Variants in SBNO2 observed in about 807,000 individuals in gnomAD.
SBNO2 encodes the protein strawberry notch homolog 2.
SBNO2 carries 89 observed loss-of-function variants against 146.3 expected under a neutral mutation model. The observed-to-expected ratio is 0.61, with a 90% CI of 0.51 to 0.73. SBNO2 has a LOEUF of 0.73. Ranked by LOEUF, SBNO2 falls within the 30% of genes least tolerant of loss-of-function variation. The probability of loss-of-function intolerance (pLI) is 0.00; values close to 1 mark genes in which losing one functional copy is unlikely to be tolerated. For synonymous variants in SBNO2, 1,147 were observed against 892.6 expected (o/e 1.29, Z -5.08); for missense variants, 2,092 against 2,003.7 (o/e 1.04, Z -0.84).
chr19:1,131,841 G>C lies in SBNO2; in HGVS notation c.280-4076C>G, dbSNP rs1422085405. ...CCCCCCACTCCGCTCGGGTCCCCCA[G>C]CCTACGCACAGGGCGCCGCTCCCAG... On this transcript the variant is annotated intron_variant, in intron 4 of 31. Transcript: ENST00000361757. Among the ~76,000 whole-genome samples, 7 of 152,348 alleles carry C rather than the reference G, an allele frequency of 4.6e-5. No homozygotes were observed. The East Asian group carries it at 1.4e-3, about 29-fold the overall frequency.
Position 1,157,168 on chromosome 19 carries a change from C to T in SBNO2, c.-126-2766G>A, listed in dbSNP as rs1444660171. Among the ~76,000 whole-genome samples the T allele has an allele frequency of 6.6e-6, 1 of 152,098 alleles. No homozygotes were observed. Among genetic ancestry groups the T allele is most frequent in the African/African-American group, 2.4e-5 (1 of 41,428 alleles). ...CTGGCTCCCACCCCATGGTCCTGAG[C>T]CCTCCGGACCCTTCCCCCATTGACT... On this transcript the variant is annotated intron_variant, in intron 1 of 31. Coordinates refer to ENST00000361757, the MANE Select transcript of SBNO2 (RefSeq NM_014963.3). This position sits in a 1 kb window ranked among gnomAD's most constrained non-coding sequence, Gnocchi z 6.8.
rs1180034087 is a variant in SBNO2 at position 1,116,926 on chromosome 19, A to T, written c.1705T>A (p.Cys569Ser). The T allele has an allele frequency of 3.2e-6, 5 of 1,553,452 alleles. No homozygotes were observed. Among genetic ancestry groups the T allele is most frequent in the Non-Finnish European group, 4.3e-6 (5 of 1,155,316 alleles). ...GTGGACTGCAGCCCGATGACCACGC[A>T]CTGTGGGACGGCAGAGGACTGTGAG... ...LAREELARDK[C>S]VVIGLQSTGE... is the part of the protein sequence containing the mutation. Residue 569 changes from cysteine (C) to serine (S), a missense_variant and splice_region_variant, in exon 16 of 32, where the codon TGC becomes AGC. By Grantham distance (112) the Cys-to-Ser change is moderately radical. Transcript: ENST00000361757.
intron 1 of SBNO2, among the ~76,000 whole-genome samples, chr19:1,169,913 C>G (rs1285058542): frequency 6.6e-6 from 1 of 152,172 alleles, no homozygotes; most frequent in Non-Finnish European, 1.5e-5. Context: ...AGCCGTGTCC[C>G]CAACAGCAGT....
At chr19:1,142,886 G>A (rs1249706432) in intron 4 of SBNO2, among the ~76,000 whole-genome samples, 1 of 151,984 alleles carries the variant, frequency 6.6e-6, no homozygotes, top group Non-Finnish European at 1.5e-5. Flanking sequence ...AGAATCGCTT[G>A]AACCCGCCAG....
chr19:1,166,045 T>TCACCAGATCTCAGACCCCAGAC (rs1568648044), intron 1 of SBNO2, among the ~76,000 whole-genome samples: 1 of 956 alleles, frequency 1.0e-3, no homozygotes, highest in Non-Finnish European at 2.3e-3. Flanking sequence ...AGACCCCAGA[T>TCACCAGATCTCAGACCCCAGAC]CCCAGATCCC....
chr19:1,152,396 G>C (rs1257399512), intron 2 of SBNO2, among the ~76,000 whole-genome samples: 1 of 152,166 alleles, frequency 6.6e-6, no homozygotes, highest in Non-Finnish European at 1.5e-5. Flanking sequence ...TAGTCCCCAG[G>C]GTGTGTTTCC....
chr19:1,172,965 G>A (rs1235628841), intron 1 of SBNO2, among the ~76,000 whole-genome samples: 1 of 150,872 alleles, frequency 6.6e-6, no homozygotes, highest in Non-Finnish European at 1.5e-5. Flanking sequence ...GCAGCCAGGG[G>A]AGGCCCCGGC....
At position 1,112,093 on chromosome 19, in the gene SBNO2, T is replaced by C; in HGVS notation, c.2629-26A>G. 6.2e-7 allele frequency: 1 copy of C among 1,611,598 alleles called. No individual in the cohort carries two copies. Among genetic ancestry groups the C allele is most frequent in the East Asian group, 2.2e-5 (1 of 44,856 alleles). On this transcript the variant is annotated intron_variant, in intron 22 of 31. Transcript: ENST00000361757. This position sits in a 1 kb window ranked among gnomAD's most constrained non-coding sequence, Gnocchi z 5.9. Reference sequence around the variant, plus strand: ...CTGCCAGGGGTGGGGAGGCCATCAGTTGGTCACCTGGGGTCTGGCCTCTAG... The same window carrying C: ...CTGCCAGGGGTGGGGAGGCCATCAGCTGGTCACCTGGGGTCTGGCCTCTAG...
chr19:1,122,781 ACCT>A lies in SBNO2; in HGVS notation c.788_790del (p.Glu263del). ...CGCGCGCTGCCCGCTGGGGAGCAGG[ACCT>A]CGTGTTGCTGTTGCCGGAGAGCAGG... On this transcript the variant is annotated inframe_deletion, in exon 9 of 32. Transcript: ENST00000361757. 1 of 1,537,882 alleles carries A rather than the reference ACCT, an allele frequency of 6.5e-7. No individual in the cohort carries two copies. The highest frequency in any genetic ancestry group is 8.7e-7 in the Non-Finnish European group (1 of 1,146,362).
rs1188070951 is a variant in SBNO2, at chr19:1,126,884, C to T, written c.441+720G>A. ...CCCTCACCAGACACCTCCACTGAGT[C>T]GCACTGGGGCACGGCTAGAGGCTAG... On this transcript the variant is annotated intron_variant, in intron 5 of 31. Transcript: ENST00000361757. The surrounding 1 kb of genome is among the most constrained non-coding windows in gnomAD (Gnocchi z 4.4). Among the ~76,000 whole-genome samples the T allele has an allele frequency of 6.6e-6, 1 of 152,208 alleles. No homozygotes were observed. Among genetic ancestry groups the T allele is most frequent in the African/African-American group, 2.4e-5 (1 of 41,454 alleles).
chr19:1,162,416 G>C lies in SBNO2; in HGVS notation c.-126-8014C>G, dbSNP rs369666795. Among the ~76,000 whole-genome samples, 271 of 149,884 alleles carry C rather than the reference G, an allele frequency of 1.8e-3. 2 individuals carry two copies. Among genetic ancestry groups the C allele is most frequent in the African/African-American group, 6.4e-3 (261 of 40,846 alleles). ...CGGCGCTTGCAGTGAGCCGAGATCG[G>C]GCCACTGCACTCCAGCCTGGGTGAA... On this transcript the variant is annotated intron_variant, in intron 1 of 31. Transcript: ENST00000361757.
In SBNO2 at chr19:1,108,316, C is replaced by T. The variant is rs2079698831; in HGVS notation, c.4005G>A (p.Glu1335=). 2.1e-6 allele frequency: 3 copies of T among 1,441,788 alleles called. No homozygotes were observed. Among genetic ancestry groups the T allele is most frequent in the Non-Finnish European group, 1.8e-6 (2 of 1,093,366 alleles). 89.3% of individuals were successfully genotyped at this position (1,441,788 alleles called of 1,614,324 possible). ...CCGCCGCGCCCCCCGCCCCCGCGCC[C>T]TCCCCCAGCGCGCCCTCGGAGGGCG... The part of the protein sequence containing the change: ...AGPPSEGALG[E]GAGAGGAAGG... Residue 1335 remains glutamate (E), a synonymous_variant, in exon 32 of 32, where the codon GAG becomes GAA. Transcript: ENST00000361757.
At position 1,116,903 on chromosome 19, in the gene SBNO2, G is replaced by T. The variant is rs756107943; in HGVS notation, c.1728C>A (p.Ser576=). The change falls in exon 16 of 32, where the codon TCC becomes TCA. Residue 576 remains serine, a synonymous_variant. Coordinates refer to ENST00000361757, the MANE Select transcript of SBNO2 (RefSeq NM_014963.3). ...RDKCVVIGLQ[S]TGEARTREVL... is the part of the protein sequence containing the mutation. The stretch of plus-strand genomic sequence containing the variant: ...CCTCCCGCGTGCGCGCCTCGCCCGT[G>T]GACTGCAGCCCGATGACCACGCACT... The T allele has an allele frequency of 8.3e-6, 13 of 1,566,754 alleles. No individual in the cohort carries two copies. The South Asian group carries it at 1.5e-4, about 18-fold the overall frequency.
chr19:1,147,517 C>T (rs897879916), intron 3 of SBNO2, 97 bp from the exon 4 acceptor site: 84 of 663,384 alleles, frequency 1.3e-4, no homozygotes, highest in Non-Finnish European at 1.9e-4. Flanking sequence ...AGAGGCCCCT[C>T]GAGGCCCCAC....
rs1266769024 is a variant in SBNO2, at chr19:1,111,040, C to T, written c.2863G>A (p.Gly955Ser). 6.4e-7 allele frequency: 1 copy of T among 1,574,490 alleles called. No individual in the cohort carries two copies. The highest frequency in any genetic ancestry group is 1.9e-5 in the Admixed American group (1 of 53,920). Reference protein sequence around the residue: ...VGIGGRESRNGCLDVEKDCSI... With the variant: ...VGIGGRESRNSCLDVEKDCSI... ...TCACCCTTCTCCACGTCCAGGCAGC[C>T]ATTCCGGGACTCCCGGCCACCAATG... Residue 955 changes from glycine to serine, a missense_variant, in exon 25 of 32, where the codon GGC (glycine) becomes AGC (serine). Transcript: ENST00000361757.
In SBNO2 at chr19:1,108,656, C is replaced by T. The variant is rs1247021415; in HGVS notation, c.3665G>A (p.Arg1222Gln). The T allele has an allele frequency of 2.0e-6, 3 of 1,519,736 alleles. No homozygotes were observed. The highest frequency in any genetic ancestry group is 2.6e-6 in the Non-Finnish European group (3 of 1,141,426). 94.1% of individuals were successfully genotyped at this position (1,519,736 alleles called of 1,614,324 possible). A position where few individuals can be genotyped will look rare whatever the true frequency, so the allele number is the denominator to read the frequency against. The change falls in exon 32 of 32, where the codon CGG (arginine) becomes CAG (glutamine). Residue 1222 changes from arginine (R) to glutamine (Q), a missense_variant. Arg to Gln is a conservative substitution (Grantham distance 43). Transcript: ENST00000361757. The part of the protein sequence containing the change: ...GCVRRVLQEL[R>Q]LMDADVKRRQ... Reference sequence around the variant, plus strand: ...GCGCTTCACGTCCGCATCCATCAGCCGCAGCTCCTGCAGCACCCGGCGCAC... The same window carrying T: ...GCGCTTCACGTCCGCATCCATCAGCTGCAGCTCCTGCAGCACCCGGCGCAC...
Position 1,134,717 on chromosome 19 carries a change from G to A in SBNO2, c.280-6952C>T, listed in dbSNP as rs533525995. ...TGGAATGTTCTGGAACTAGACAGAG[G>A]TGGTGGTTGCACAACTCTGTGAATA... is the stretch of plus-strand genomic sequence containing the variant. On this transcript the variant is annotated intron_variant, in intron 4 of 31. Transcript: ENST00000361757. 1.6e-3 allele frequency among the ~76,000 whole-genome samples: 246 copies of A among 152,286 alleles called. 1 individual carries two copies. Among genetic ancestry groups the A allele is most frequent in the African/African-American group, 5.6e-3 (233 of 41,546 alleles).
Position 1,111,565 on chromosome 19 carries a change from G to A in SBNO2, c.2750C>T (p.Thr917Ile). ...HCVLTTILSQ[T>I]ENKVPVPQGY... ...CTGGGGCACAGGCACTTTGTTCTCA[G>A]TCTGGCTCAGGATGGTGGTGAGGAC... Residue 917 changes from threonine to isoleucine, a missense_variant, in exon 24 of 32, where the codon ACT (threonine) becomes ATT (isoleucine). By Grantham distance (89) the Thr-to-Ile change is moderately conservative. Coordinates refer to ENST00000361757, the MANE Select transcript of SBNO2 (RefSeq NM_014963.3). 6.3e-7 allele frequency: 1 copy of A among 1,598,440 alleles called. No individual in the cohort carries two copies. The highest frequency in any genetic ancestry group is 8.5e-7 in the Non-Finnish European group (1 of 1,172,848).
Position 1,147,403 on chromosome 19 carries a change from G to A in SBNO2, c.185C>T (p.Ala62Val). 1.3e-6 allele frequency: 2 copies of A among 1,519,890 alleles called. No individual in the cohort carries two copies. Among genetic ancestry groups the A allele is most frequent in the South Asian group, 2.5e-5 (2 of 78,692 alleles). The allele number at this position is 1,519,890 out of a possible 1,614,324, so 94.2% of individuals were successfully genotyped here. A position where few individuals can be genotyped will look rare whatever the true frequency, so the allele number is the denominator to read the frequency against. ...GCAGGGCTGGCTGCCGAGGAAGGAG[G>A]CGGAGCTCATGAACGGGCTGGAGGG... ...SSDSRPFMSS[A>V]SFLGSQPCPD... Residue 62 changes from alanine (A) to valine (V), a missense_variant, in exon 4 of 32, where the codon GCC becomes GTC. Ala to Val is a moderately conservative substitution (Grantham distance 64). Transcript: ENST00000361757.
Sources: gnomAD v4.1 joint callset for allele counts (sites outside exome capture counted in the v4.1 genomes callset) on GRCh38, gnomAD v4.1.1 for gene constraint, Gnocchi (gnomAD v3.1) non-coding constraint, MANE v1.5 for transcripts, NCBI Gene and HGNC (gene_info 2026-07-23, HGNC 2026-07-21) for gene names.